The following IGBP1 variants were observed in gnomAD, a reference collection of about 807,000 sequenced individuals.
IGBP1 encodes the protein immunoglobulin binding protein 1.
A neutral mutation model predicts 25.9 loss-of-function variants in IGBP1; 2 were observed. That is an observed-to-expected ratio of 0.08 (90% CI 0.03 to 0.24). IGBP1 has a LOEUF of 0.24. IGBP1 is among the 10% of genes least tolerant of loss of function. IGBP1 has a pLI of 1.00. For synonymous variants in IGBP1, 96 were observed against 93.4 expected (o/e 1.03, Z -0.16); for missense variants, 187 against 260.4 (o/e 0.72, Z 1.94).
intron 3 of IGBP1, among the ~76,000 whole-genome samples, chrX:70,143,116 G>A (rs1419524968): frequency 9.1e-6 from 1 of 110,487 alleles, no homozygotes; most frequent in Non-Finnish European, 1.9e-5. Flanking sequence ...TAGAGGTGGG[G>A]TTTCACCGTG....
intron 6 of IGBP1, among the ~76,000 whole-genome samples, chrX:70,162,090 T>C (rs2085273911): frequency 8.9e-6 from 1 of 111,782 alleles, no homozygotes; most frequent in Admixed American, 9.5e-5. Context: ...ACCCCGAAAG[T>C]GTGGGCTGTG....
In IGBP1 at chrX:70,138,735, G is replaced by A. The variant is rs936454475; in HGVS notation, c.482+3919G>A. On this transcript the variant is annotated intron_variant, in intron 3 of 6. Transcript: ENST00000356413. ...AACATTATACCATGAGCATTTCCTC[G>A]TGTCTTTTGAAACCATGATATTGAA... 3.6e-5 allele frequency among the ~76,000 whole-genome samples: 4 copies of A among 110,907 alleles called. No homozygotes were observed. In the East Asian group the frequency reaches 8.5e-4, roughly 24 times the overall value.
At chrX:70,138,974 A>G (rs1386620533) in intron 3 of IGBP1, among the ~76,000 whole-genome samples, 3 of 112,152 alleles carry the variant, frequency 2.7e-5, no homozygotes, top group African/African-American at 9.7e-5. Flanking sequence ...TGCTTTCTAC[A>G]ATAACAGAGT....
chrX:70,134,042 C>T lies in IGBP1; in HGVS notation c.95C>T (p.Pro32Leu). 1 of 1,211,160 alleles carries T rather than the reference C, an allele frequency of 8.3e-7. No individual in the cohort carries two copies. The highest frequency in any genetic ancestry group is 1.7e-5 in the African/African-American group (1 of 57,916). Residue 32 changes from proline to leucine, a missense_variant, in exon 2 of 7, where the codon CCC becomes CTC. Physicochemically the swap from Pro to Leu is moderately conservative, Grantham distance 98. Transcript: ENST00000356413. The part of the protein sequence containing the change: ...LLDEVEVATE[P>L]AGSRIVQEKV... ...GACGAAGTAGAAGTGGCGACTGAAC[C>T]CGCCGGTTCCCGGATAGTCCAGGAG...
chrX:70,152,587 A>G (rs1057479676), intron 6 of IGBP1, among the ~76,000 whole-genome samples: 6 of 112,349 alleles, frequency 5.3e-5, no homozygotes, highest in Non-Finnish European at 1.1e-4. Context: ...AGCAGCTATT[A>G]TTTTTATCCT....
chrX:70,145,288 C>G (rs2085159237), intron 3 of IGBP1, among the ~76,000 whole-genome samples: 1 of 111,088 alleles, frequency 9.0e-6, no homozygotes, highest in Admixed American at 9.6e-5. Flanking sequence ...CCTTCAGGCT[C>G]TTACATCCAA....
intron 3 of IGBP1, among the ~76,000 whole-genome samples, chrX:70,146,324 C>T (rs2085166316): frequency 9.1e-6 from 1 of 110,458 alleles, no homozygotes; most frequent in Admixed American, 9.7e-5. Flanking sequence ...AAGCACCCAC[C>T]CTAGTAAAGG....
At chrX:70,158,170 G>A (rs1217267327) in intron 6 of IGBP1, among the ~76,000 whole-genome samples, 1 of 112,006 alleles carries the variant, frequency 8.9e-6, no homozygotes, top group Non-Finnish European at 1.9e-5. Context: ...AACTGGGAGG[G>A]ATGAGTATGA....
chrX:70,154,774 G>A (rs935952563), intron 6 of IGBP1, among the ~76,000 whole-genome samples: 4 of 99,307 alleles, frequency 4.0e-5, no homozygotes, highest in African/African-American at 1.5e-4. Context: ...GTTCGTGCCT[G>A]TAGTCCCAGA....
At chrX:70,158,255 G>A (rs988246209) in intron 6 of IGBP1, among the ~76,000 whole-genome samples, 4 of 111,822 alleles carry the variant, frequency 3.6e-5, no homozygotes, top group Non-Finnish European at 7.5e-5. Flanking sequence ...TGATCCACCG[G>A]TCTCCCTTCC....
Position 70,134,513 on chromosome X carries a change from G to A in IGBP1, c.189-10G>A. The A allele has an allele frequency of 8.3e-6, 10 of 1,208,140 alleles. No individual in the cohort carries two copies. Among genetic ancestry groups the A allele is most frequent in the Non-Finnish European group, 1.1e-5 (10 of 893,669 alleles). ...AGTCAGGCTTCACTGCCTCCTTTTT[G>A]CTCTTCCAGCCGAAATGAAGATTTG... On this transcript the variant is annotated splice_polypyrimidine_tract_variant and intron_variant, in intron 2 of 6. Coordinates refer to ENST00000356413, the MANE Select transcript of IGBP1 (RefSeq NM_001551.3).
intron 3 of IGBP1, among the ~76,000 whole-genome samples, chrX:70,141,923 G>A (rs894855238): frequency 4.5e-5 from 5 of 110,911 alleles, no homozygotes; most frequent in Non-Finnish European, 7.5e-5. Context: ...AAAAAAGGGG[G>A]GGGGCTCTGA....
At chrX:70,149,931 C>G (rs985966753) in intron 5 of IGBP1, among the ~76,000 whole-genome samples, 1 of 111,021 alleles carries the variant, frequency 9.0e-6, no homozygotes, top group African/African-American at 3.3e-5. Flanking sequence ...GTCTTCACTG[C>G]TTTGTGGAGC....
intron 6 of IGBP1, among the ~76,000 whole-genome samples, chrX:70,156,769 G>A (rs779136510): frequency 9.0e-6 from 1 of 110,605 alleles, no homozygotes; most frequent in Admixed American, 9.7e-5. Flanking sequence ...GTGAAACCTC[G>A]TCTCTAATAA....
chrX:70,150,361 CT>C (rs1335065517), intron 6 of IGBP1, 39 bp downstream of exon 6: 1 of 833,807 alleles, frequency 1.2e-6, no homozygotes, highest in Non-Finnish European at 1.8e-6. Flanking sequence ...TACCACTGGT[CT>C]TTTACTCCCT....
intron 3 of IGBP1, among the ~76,000 whole-genome samples, chrX:70,135,382 G>C (rs645725): frequency 0.091 from 10,101 of 111,550 alleles, 389 homozygotes; most frequent in South Asian, 0.18. Context: ...ATAGGTATTT[G>C]TGTGAGTATG....
chrX:70,134,282 ATTCCCCACCTCTC>A lies in IGBP1; in HGVS notation c.188+153_188+165del, dbSNP rs979725260. The A allele has an allele frequency of 1.3e-4, 78 of 583,672 alleles. No individual in the cohort carries two copies. In the African/African-American group the frequency reaches 1.6e-3, roughly 12 times the overall value. The allele number at this position is 583,672 out of a possible 1,213,427, so 48.1% of individuals were successfully genotyped here. ...CTGCGATCTTGTGTACATTGTTTAC[ATTCCCCACCTCTC>A]TTCCCAGATGGTTGATATCTTACGA... is the stretch of plus-strand genomic sequence containing the variant. On this transcript the variant is annotated intron_variant, in intron 2 of 6. Coordinates refer to ENST00000356413, the MANE Select transcript of IGBP1 (RefSeq NM_001551.3).
chrX:70,141,741 A>C (rs759984199), intron 3 of IGBP1, among the ~76,000 whole-genome samples: 1 of 111,341 alleles, frequency 9.0e-6, no homozygotes, highest in African/African-American at 3.3e-5. Context: ...AACTAATCCA[A>C]TTTCTACCAC....
rs370536533 is a variant in IGBP1, at chrX:70,165,958, G to A, written c.997G>A (p.Gly333Arg). The A allele has an allele frequency of 8.3e-7, 1 of 1,209,114 alleles. No homozygotes were observed. The highest frequency in any genetic ancestry group is 1.1e-6 in the Non-Finnish European group (1 of 894,816). ...DWKDTHPRGY[G>R]NRQNMG ...GAAGGACACCCATCCTAGGGGCTAT[G>A]GGAACCGACAGAACATGGGCTGATC... The change falls in exon 7 of 7, where the codon GGG becomes AGG. Residue 333 changes from glycine (G) to arginine (R), a missense_variant. By Grantham distance (125) the Gly-to-Arg change is moderately radical. Coordinates refer to ENST00000356413, the MANE Select transcript of IGBP1 (RefSeq NM_001551.3).
Sources: allele counts gnomAD v4.1 joint callset (sites outside exome capture counted in the v4.1 genomes callset), GRCh38; gene constraint gnomAD v4.1.1; transcripts MANE v1.5; gene names NCBI Gene and HGNC (gene_info 2026-07-23, HGNC 2026-07-21).